KALRN: variants seen among roughly 807,000 people sequenced by gnomAD.
KALRN encodes kalirin.
Under a neutral mutation model 353.7 loss-of-function variants are expected in KALRN, and 70 were observed. The observed-to-expected ratio is 0.20, with a 90% confidence interval of 0.16 to 0.24. KALRN has a LOEUF of 0.24. Ranked by LOEUF, KALRN falls within the 10% of genes least tolerant of loss-of-function variation. The probability of loss-of-function intolerance (pLI) is 1.00; values close to 1 mark genes in which losing one functional copy is unlikely to be tolerated. For missense variants in KALRN, 2,791 were observed against 3,756.7 expected (o/e 0.74, Z 6.72); for synonymous variants, 1,391 against 1,434.8 (o/e 0.97, Z 0.69).
At chr3:124,607,419 T>C (rs1190406924) in intron 34 of KALRN, among the ~76,000 whole-genome samples, 1 of 152,226 alleles carries the variant, frequency 6.6e-6, no homozygotes, top group Non-Finnish European at 1.5e-5. Context: ...AGAGTAGAAT[T>C]GATTTGGGTG....
intron 5 of KALRN, among the ~76,000 whole-genome samples, chr3:124,271,917 G>A (rs1330105826): frequency 6.6e-6 from 1 of 152,126 alleles, no homozygotes; most frequent in Admixed American, 6.5e-5. Context: ...ACTTAAACAC[G>A]GTTATTTGCA....
At chr3:124,383,176 G>C (rs1298610971) in intron 10 of KALRN, among the ~76,000 whole-genome samples, 1 of 152,110 alleles carries the variant, frequency 6.6e-6, no homozygotes, top group Admixed American at 6.5e-5. Context: ...ATCCCCTGAG[G>C]CCTCTCTCCA....
intron 6 of KALRN, among the ~76,000 whole-genome samples, chr3:124,308,890 G>T (rs553397906): frequency 6.6e-6 from 1 of 151,738 alleles, no homozygotes; most frequent in Admixed American, 6.6e-5. Context: ...TTATTGAAAA[G>T]GTCAACCAAA....
chr3:124,681,572 T>C (rs1222769164), intron 51 of KALRN, among the ~76,000 whole-genome samples: 3 of 151,992 alleles, frequency 2.0e-5, no homozygotes, highest in African/African-American at 7.2e-5. Flanking sequence ...ATCCCCAGTA[T>C]GTGTGGATGT....
At chr3:124,689,688 C>G (rs1578966291) in intron 51 of KALRN, among the ~76,000 whole-genome samples, 1 of 152,150 alleles carries the variant, frequency 6.6e-6, no homozygotes. Flanking sequence ...AGCCTAATTT[C>G]TAGTCTACTA....
At chr3:124,207,708 A>G (rs1467803601) in intron 1 of KALRN, among the ~76,000 whole-genome samples, 1 of 152,236 alleles carries the variant, frequency 6.6e-6, no homozygotes, top group African/African-American at 2.4e-5. Context: ...CATCCATAAA[A>G]TGTGGGAAAC....
At chr3:124,539,925 G>T (rs1025288733) in intron 33 of KALRN, among the ~76,000 whole-genome samples, 4 of 140,046 alleles carry the variant, frequency 2.9e-5, no homozygotes, top group Non-Finnish European at 6.2e-5. Context: ...TTTTTTTTGG[G>T]GGGGGGGACA....
At chr3:124,075,085 T>C (rs189924692) in intron 1 of KALRN, among the ~76,000 whole-genome samples, 1 of 152,254 alleles carries the variant, frequency 6.6e-6, no homozygotes, top group South Asian at 2.1e-4. Flanking sequence ...TCAGTAGTCC[T>C]ATTCTTAAGC....
chr3:124,602,412 G>A (rs538832176), intron 34 of KALRN, among the ~76,000 whole-genome samples: 2 of 152,318 alleles, frequency 1.3e-5, no homozygotes, highest in African/African-American at 4.8e-5. Context: ...TGAAATCTGG[G>A]GTGCTCCCAT....
intron 48 of KALRN, among the ~76,000 whole-genome samples, chr3:124,672,523 G>T (rs1056851605): frequency 1.3e-5 from 2 of 152,224 alleles, no homozygotes; most frequent in East Asian, 3.8e-4. Context: ...ACTGAAAGAA[G>T]TTCCCAGTTC....
At chr3:124,643,404 C>T (rs1480881715) in intron 37 of KALRN, among the ~76,000 whole-genome samples, 1 of 152,154 alleles carries the variant, frequency 6.6e-6, no homozygotes, top group Non-Finnish European at 1.5e-5. Context: ...TGTATTGTCC[C>T]TACACCCCCC....
chr3:124,579,712 T>A (rs2074443728), intron 34 of KALRN, among the ~76,000 whole-genome samples: 1 of 152,192 alleles, frequency 6.6e-6, no homozygotes, highest in African/African-American at 2.4e-5. Flanking sequence ...CTTCCCACAT[T>A]GTTATAGCAA....
At chr3:124,423,561 C>A (rs1168477653) in intron 15 of KALRN, among the ~76,000 whole-genome samples, 2 of 152,236 alleles carry the variant, frequency 1.3e-5, no homozygotes, top group African/African-American at 4.8e-5. Flanking sequence ...AACATACACA[C>A]AATGACCAAT....
chr3:124,054,334 G>A (rs2041319134), intron 1 of KALRN, among the ~76,000 whole-genome samples: 1 of 38,880 alleles, frequency 2.6e-5, no homozygotes, highest in African/African-American at 5.2e-5. Flanking sequence ...ACCAACATGG[G>A]CAACATAGCA....
chr3:124,548,757 G>T (rs1190325365), intron 33 of KALRN, among the ~76,000 whole-genome samples: 1 of 152,206 alleles, frequency 6.6e-6, no homozygotes, highest in East Asian at 1.9e-4. Flanking sequence ...GGGTTCAAAT[G>T]ATTCTCCTGC....
chr3:124,510,846 G>C (rs2065826756), intron 33 of KALRN, among the ~76,000 whole-genome samples: 1 of 152,018 alleles, frequency 6.6e-6, no homozygotes, highest in Non-Finnish European at 1.5e-5. Context: ...AGTTTTTGTT[G>C]CTTCACTTCT....
chr3:124,515,772 G>T (rs926143963), intron 33 of KALRN, among the ~76,000 whole-genome samples: 1 of 152,132 alleles, frequency 6.6e-6, no homozygotes, highest in African/African-American at 2.4e-5. Flanking sequence ...ACTAGTCCTT[G>T]CCCTAGGCCA....
chr3:124,187,084 A>G (rs1031264401), intron 1 of KALRN, among the ~76,000 whole-genome samples: 2 of 152,014 alleles, frequency 1.3e-5, no homozygotes, highest in African/African-American at 2.4e-5. Context: ...TTTGTTTTTT[A>G]TCTTTTCTTT....
At chr3:124,068,833 G>A (rs1395555204) in intron 1 of KALRN, among the ~76,000 whole-genome samples, 11 of 152,158 alleles carry the variant, frequency 7.2e-5, no homozygotes, top group South Asian at 4.2e-4. Context: ...AGAAGAGCCC[G>A]CACTGAGTGA....
Sources: gnomAD v4.1 joint callset for allele counts (sites outside exome capture counted in the v4.1 genomes callset) on GRCh38, gnomAD v4.1.1 for gene constraint, MANE v1.5 for transcripts, NCBI Gene and HGNC (gene_info 2026-07-23, HGNC 2026-07-21) for gene names.